NAA15: variants seen among roughly 807,000 people sequenced by gnomAD.
The protein encoded by NAA15 is N-terminal acetyltransferase.
Under a neutral mutation model 114.0 loss-of-function variants are expected in NAA15, and 34 were observed. That is an observed-to-expected ratio of 0.30 (90% confidence interval 0.23 to 0.40). The LOEUF is 0.40. Among genes scored for constraint, NAA15 ranks in the 10% least tolerant of loss-of-function variants. NAA15 has a pLI of 1.00. For synonymous variants in NAA15, 340 were observed against 338.0 expected, an observed-to-expected ratio of 1.01 and a Z score of -0.06; for missense variants, 658 against 1,004.5, an observed-to-expected ratio of 0.66 and a Z score of 4.66.
In NAA15 at chr4:139,388,803, A is replaced by G. The variant is rs1238430153; in HGVS notation, c.*719A>G. ...AATTTTAACTAAAACTTGAAGAACT[A>G]AAACAACAATGCAAACCTTTCAGCA... On this transcript the variant is annotated 3_prime_UTR_variant, in exon 20 of 20. Coordinates refer to ENST00000296543, the MANE Select transcript of NAA15 (RefSeq NM_057175.5). 1 of 152,666 alleles carries G rather than the reference A, an allele frequency of 6.6e-6. No homozygotes were observed. Among genetic ancestry groups the G allele is most frequent in the African/African-American group, 2.4e-5 (1 of 41,458 alleles). 9.5% of individuals were successfully genotyped at this position (152,666 alleles called of 1,614,324 possible). A position where few individuals can be genotyped will look rare whatever the true frequency, so the allele number is the denominator to read the frequency against.
chr4:139,301,842 G>A lies in NAA15; in HGVS notation c.54+11G>A. 6.3e-7 allele frequency: 1 copy of A among 1,586,372 alleles called. No homozygotes were observed. The highest frequency in any genetic ancestry group is 8.6e-7 in the Non-Finnish European group (1 of 1,165,298). ...TTCAAGCGGATCTTGGTAAGTGTGA[G>A]GCTCCGGGCAAGCGGTGGGGAGGAT... On this transcript the variant is annotated intron_variant, in intron 1 of 19. Transcript: ENST00000296543.
Position 139,387,867 on chromosome 4 carries a change from T to A in NAA15, c.2401-17T>A. ...TTTTTTTGACCAGTTACAACATGAC[T>A]TTTTTTCTTTCCTTAGACATGTATG... is the stretch of plus-strand genomic sequence containing the variant. On this transcript the variant is annotated splice_polypyrimidine_tract_variant and intron_variant, in intron 19 of 19. Transcript: ENST00000296543. The A allele has an allele frequency of 6.2e-7, 1 of 1,605,002 alleles. No homozygotes were observed. The highest frequency in any genetic ancestry group is 8.5e-7 in the Non-Finnish European group (1 of 1,175,794).
At chr4:139,380,628 A>G (rs891645999) in intron 17 of NAA15, among the ~76,000 whole-genome samples, 1 of 152,186 alleles carries the variant, frequency 6.6e-6, no homozygotes, top group African/African-American at 2.4e-5. Flanking sequence ...ATTACTGAGT[A>G]TCTATACTGG....
At chr4:139,307,828 G>A (rs1746075590) in intron 1 of NAA15, among the ~76,000 whole-genome samples, 1 of 152,008 alleles carries the variant, frequency 6.6e-6, no homozygotes, top group Non-Finnish European at 1.5e-5. Context: ...TCTTTTCAGG[G>A]CACTTAACAT....
In NAA15 at chr4:139,362,082, A is replaced by G. The variant is rs772652204; in HGVS notation, c.1753+145A>G. On this transcript the variant is annotated intron_variant, in intron 14 of 19. Coordinates refer to ENST00000296543, the MANE Select transcript of NAA15 (RefSeq NM_057175.5). ...AGGTTCTCTAAACAACAAAAGAAAA[A>G]TGTTTACTTTTATGCTTCCAAAGTT... The G allele has an allele frequency of 1.0e-4, 50 of 486,388 alleles. 1 individual carries two copies. Among genetic ancestry groups the G allele is most frequent in the Non-Finnish European group, 1.6e-4 (46 of 288,694 alleles). The allele number at this position is 486,388 out of a possible 1,614,324, so 30.1% of individuals were successfully genotyped here. A position where few individuals can be genotyped will look rare whatever the true frequency, so the allele number is the denominator to read the frequency against.
intron 9 of NAA15, 99 bp downstream of exon 9, chr4:139,351,710 G>A: frequency 1.7e-6 from 1 of 582,522 alleles, no homozygotes. Context: ...TACGTGTTTT[G>A]TGAATCTCAT....
At chr4:139,368,765 A>C (rs888954638) in intron 14 of NAA15, among the ~76,000 whole-genome samples, 1 of 152,104 alleles carries the variant, frequency 6.6e-6, no homozygotes, top group African/African-American at 2.4e-5. Flanking sequence ...ACTTGTGGGC[A>C]TATTTTGAAA....
At position 139,349,523 on chromosome 4, in the gene NAA15, A is replaced by T. The variant is rs750481678; in HGVS notation, c.753A>T (p.Gln251His). 5.6e-6 allele frequency: 9 copies of T among 1,611,862 alleles called. No homozygotes were observed. The African/African-American group carries it at 8.0e-5, about 14-fold the overall frequency. Residue 251 changes from glutamine to histidine, a missense_variant, in exon 7 of 20, where the codon CAA (glutamine) becomes CAT (histidine). Gln to His is a conservative substitution (Grantham distance 24). Around this residue, in one of 6 missense-constraint regions of NAA15, gnomAD observed 281 missense variants for 389.1 expected, o/e 0.72. Transcript: ENST00000296543. ...EDAADVYRGL[Q>H]ERNPENWAYY... ...CTGCAGATGTTTATAGAGGATTGCA[A>T]GAGAGAAATCCTGAAAACTGGGCCT...
intron 17 of NAA15, among the ~76,000 whole-genome samples, chr4:139,380,878 C>G (rs1424843298): frequency 6.6e-6 from 1 of 152,062 alleles, no homozygotes; most frequent in Non-Finnish European, 1.5e-5. Flanking sequence ...TGTTATACCC[C>G]AAGGGTTTCT....
chr4:139,301,892 C>T (rs911046054), intron 1 of NAA15, 61 bp downstream of exon 1: 3 of 1,523,468 alleles, frequency 2.0e-6, no homozygotes, highest in Non-Finnish European at 2.7e-6. Flanking sequence ...GGCCTGTCAC[C>T]CCTAACCTCG....
intron 1 of NAA15, among the ~76,000 whole-genome samples, chr4:139,308,182 C>T (rs776925611): frequency 1.1e-4 from 16 of 152,032 alleles, no homozygotes; most frequent in Admixed American, 2.0e-4. Flanking sequence ...AGGATGGTCT[C>T]GATCTCCTGA....
chr4:139,356,492 T>A (rs1303046307), intron 10 of NAA15: 1 of 152,222 alleles, frequency 6.6e-6, no homozygotes, highest in African/African-American at 2.4e-5. Flanking sequence ...TTATCAGCAT[T>A]TTCCTACATA....
chr4:139,384,695 C>T lies in NAA15; in HGVS notation c.2156-137C>T, dbSNP rs1363203684. Reference sequence around the variant, plus strand: ...GCATGAGCCTGGAAGGTTGAGGCTACAGTGAGCCATGGTTGTGCCACTGTA... The same window carrying T: ...GCATGAGCCTGGAAGGTTGAGGCTATAGTGAGCCATGGTTGTGCCACTGTA... On this transcript the variant is annotated intron_variant, in intron 17 of 19. Transcript: ENST00000296543. 4 of 475,874 alleles carry T rather than the reference C, an allele frequency of 8.4e-6. No individual in the cohort carries two copies. In the East Asian group the frequency reaches 1.5e-4, roughly 18 times the overall value. 29.5% of individuals were successfully genotyped at this position (475,874 alleles called of 1,614,324 possible).
intron 1 of NAA15, 34 bp from the exon 2 acceptor site, chr4:139,334,140 G>T: frequency 1.4e-6 from 2 of 1,405,600 alleles, no homozygotes; most frequent in Non-Finnish European, 2.0e-6. Context: ...TGTATTCCTT[G>T]CTAAACTTAA....
intron 14 of NAA15, among the ~76,000 whole-genome samples, chr4:139,363,332 A>T (rs2110963060): frequency 6.6e-6 from 1 of 152,292 alleles, no homozygotes; most frequent in Admixed American, 6.5e-5. Context: ...TCTCCCACCC[A>T]TTCTTCATTC....
chr4:139,315,094 G>A (rs1168005803), intron 1 of NAA15, among the ~76,000 whole-genome samples: 1 of 121,680 alleles, frequency 8.2e-6, no homozygotes, highest in Non-Finnish European at 1.7e-5. Context: ...ACGGAGTCTC[G>A]CTCTTTCACC....
rs751570349 is a variant in NAA15, at chr4:139,327,121, G to C, written c.55-7053G>C. Among the ~76,000 whole-genome samples, 157 of 152,106 alleles carry C rather than the reference G, an allele frequency of 1.0e-3. 1 individual carries two copies. Among genetic ancestry groups the C allele is most frequent in the South Asian group, 1.2e-3 (6 of 4,816 alleles). On this transcript the variant is annotated intron_variant, in intron 1 of 19. Transcript: ENST00000296543. The stretch of plus-strand genomic sequence containing the variant: ...TGGCTAATTTTTTGATTTTTTTGTA[G>C]AGACAAGGTCTCACTATGTTATGCA...
chr4:139,341,323 C>T (rs558993503), intron 4 of NAA15, among the ~76,000 whole-genome samples: 41 of 151,736 alleles, frequency 2.7e-4, no homozygotes, highest in Non-Finnish European at 4.0e-4. Flanking sequence ...AGGCCAGGTG[C>T]GGTGGCTCAC....
chr4:139,349,723 G>T (rs1054247648), intron 7 of NAA15, 142 bp downstream of exon 7: 16 of 761,248 alleles, frequency 2.1e-5, no homozygotes, highest in Non-Finnish European at 3.0e-5. Context: ...AGTGGCTCGT[G>T]CCTGTAATCC....
Sources: gnomAD v4.1 joint callset for allele counts (sites outside exome capture counted in the v4.1 genomes callset) on GRCh38, gnomAD v4.1.1 for gene constraint, gnomAD v4.1.1 regional missense constraint, MANE v1.5 for transcripts, NCBI Gene and HGNC (gene_info 2026-07-23, HGNC 2026-07-21) for gene names.